Variants in KIF12 observed in about 807,000 individuals in gnomAD.
The protein encoded by KIF12 is kinesin family member 12.
Under a neutral mutation model 87.9 loss-of-function variants are expected in KIF12, and 80 were observed. The ratio of observed to expected loss-of-function variants is 0.91; its 90% confidence interval spans 0.76 to 1.10. The LOEUF (loss-of-function observed/expected upper bound fraction) is 1.10. Among genes scored for constraint, KIF12 ranks in the 50% least tolerant of loss-of-function variants. The pLI is 0.00. For synonymous variants in KIF12, 353 were observed against 348.5 expected (o/e 1.01, Z -0.14); for missense variants, 819 against 865.3 (o/e 0.95, Z 0.67).
chr9:114,097,298 C>T lies in KIF12; in HGVS notation c.646+3G>A. On this transcript the variant is annotated splice_donor_region_variant and intron_variant, in intron 7 of 18. Transcript: ENST00000640217. ...CGCAAAACTCCCCGCTGTCAGCACA[C>T]ACCCGTTTGCAAAAGTTCCATCAGG... 6.2e-7 allele frequency: 1 copy of T among 1,609,480 alleles called. No individual in the cohort carries two copies. Among genetic ancestry groups the T allele is most frequent in the Non-Finnish European group, 8.5e-7 (1 of 1,178,912 alleles).
intron 3 of KIF12, 112 bp downstream of exon 3, chr9:114,098,823 T>A (rs986235729): frequency 8.1e-6 from 10 of 1,236,252 alleles, no homozygotes; most frequent in Non-Finnish European, 1.0e-5. Flanking sequence ...GCGGGGCACC[T>A]GGGAGAGGAC....
chr9:114,098,259 C>A, intron 4 of KIF12, 43 bp downstream of exon 4: 1 of 1,507,874 alleles, frequency 6.6e-7, no homozygotes. Context: ...TGCTTCGGGG[C>A]CCCGCCAGGC....
In KIF12 at chr9:114,093,282, G is replaced by A. The variant is rs1354076805; in HGVS notation, c.1543C>T (p.Arg515Ter). ...CPCCHICPLC[R>*]VPLAHWACLP... ...CAGGCCCAGTGGGCCAGGGGCACTCGACACAGTGGGCAGATGTGGCAGCAG... is the reference window on the plus strand; with the variant it reads ...CAGGCCCAGTGGGCCAGGGGCACTCAACACAGTGGGCAGATGTGGCAGCAG... The change falls in exon 16 of 19, where the codon CGA becomes TGA. Residue 515 changes from arginine to a stop codon, truncating the protein, a stop_gained. Transcript: ENST00000640217. LOFTEE classifies it high-confidence loss of function. 13 of 1,560,678 alleles carry A rather than the reference G, an allele frequency of 8.3e-6. No individual in the cohort carries two copies. The East Asian group carries it at 1.2e-4, about 14-fold the overall frequency.
Position 114,098,388 on chromosome 9 carries a change from G to A in KIF12, c.213C>T (p.Phe71=), listed in dbSNP as rs1847328716. Residue 71 remains phenylalanine, a synonymous_variant, in exon 4 of 19, where the codon TTC becomes TTT. Transcript: ENST00000640217. ...PGGGPEVAFR[F]GAVLDAARTQ... is the part of the protein sequence containing the mutation. ...TGCGCGCCGCGTCTAGCACCGCACC[G>A]AAGCGGAACGCCACTTCTGGACCCC... is the stretch of plus-strand genomic sequence containing the variant. 6.6e-7 allele frequency: 1 copy of A among 1,513,960 alleles called. No individual in the cohort carries two copies. The highest frequency in any genetic ancestry group is 8.8e-7 in the Non-Finnish European group (1 of 1,137,268). 93.8% of individuals were successfully genotyped at this position (1,513,960 alleles called of 1,614,324 possible). A position where few individuals can be genotyped will look rare whatever the true frequency, so the allele number is the denominator to read the frequency against.
chr9:114,093,966 T>C lies in KIF12; in HGVS notation c.1320A>G (p.Glu440=), dbSNP rs758007644. ...CTCGGCTATTCTGCAGCTGGCTCTT[T>C]TCTTTCCTAGGGGAGATCACAAGCC... ...FMLENERLRK[E]KSQLQNSRDL... The change falls in exon 14 of 19, where the codon GAA becomes GAG. Residue 440 remains glutamate (E), a synonymous_variant. Transcript: ENST00000640217. 18 of 1,613,954 alleles carry C rather than the reference T, an allele frequency of 1.1e-5. No homozygotes were observed. Among genetic ancestry groups the C allele is most frequent in the Non-Finnish European group, 1.5e-5 (18 of 1,180,006 alleles).
At position 114,098,959 on chromosome 9, in the gene KIF12, G is replaced by A; in HGVS notation, c.147C>T (p.His49=). 1 of 1,550,144 alleles carries A rather than the reference G, an allele frequency of 6.5e-7. No individual in the cohort carries two copies. Among genetic ancestry groups the A allele is most frequent in the South Asian group, 1.2e-5 (1 of 84,052 alleles). Residue 49 remains histidine, a synonymous_variant, in exon 3 of 19, where the codon CAC becomes CAT. Transcript: ENST00000640217. The part of the protein sequence containing the change: ...ELRRGQQSVL[H]CSGTRTLQVS... ...CCTGCAGAGTCCGGGTCCCTGAGCA[G>A]TGCAGCACGCTCTGCTGCCCTCGAC...
chr9:114,097,156 G>C (rs940245566), intron 7 of KIF12, 145 bp downstream of exon 7: 11 of 1,107,714 alleles, frequency 9.9e-6, no homozygotes, highest in Non-Finnish European at 1.4e-5. Context: ...CCATGCCTTT[G>C]AATTGTGGTT....
intron 3 of KIF12, 96 bp downstream of exon 3, chr9:114,098,839 C>T: frequency 7.1e-7 from 1 of 1,399,980 alleles, no homozygotes. Flanking sequence ...AGGACCACTC[C>T]GGGGGAGCGC....
Position 114,091,914 on chromosome 9 carries a change from G to A in KIF12, c.1903C>T (p.Pro635Ser), listed in dbSNP as rs1460057771. 6.2e-7 allele frequency: 1 copy of A among 1,612,644 alleles called. No homozygotes were observed. The highest frequency in any genetic ancestry group is 8.5e-7 in the Non-Finnish European group (1 of 1,179,592). ...CTCCGTGCGCCCTCACTGCAGGGTG[G>A]CTGGCTGCGGCCACGTCGCAGGGAG... is the stretch of plus-strand genomic sequence containing the variant. ...GSSLRRGRSQ[P>S]PCSEGARSPG... is the part of the protein sequence containing the mutation. The change falls in exon 19 of 19, where the codon CCA becomes TCA. Residue 635 changes from proline (P) to serine (S), a missense_variant. Transcript: ENST00000640217.
intron 7 of KIF12, among the ~76,000 whole-genome samples, chr9:114,096,940 G>A (rs1369977407): frequency 3.9e-5 from 6 of 152,254 alleles, no homozygotes; most frequent in Non-Finnish European, 8.8e-5. Flanking sequence ...CTGGAAGGGT[G>A]GAGGGTCTGG....
At chr9:114,097,253 G>A in intron 7 of KIF12, 48 bp downstream of exon 7, 1 of 1,589,244 alleles carries the variant, frequency 6.3e-7, no homozygotes, top group Non-Finnish European at 8.5e-7. Context: ...GTGAACAACT[G>A]AGGAATGGGC....
At position 114,092,093 on chromosome 9, in the gene KIF12, G is replaced by C. The variant is rs112836320; in HGVS notation, c.1817-93C>G. ...CCAACACCCTCTGGAGAAGCCTCAG[G>C]GGGTAGGTACCCTCCACCCTTCCCC... is the stretch of plus-strand genomic sequence containing the variant. On this transcript the variant is annotated intron_variant, in intron 18 of 18. Transcript: ENST00000640217. 1.5e-3 allele frequency: 2,175 copies of C among 1,485,908 alleles called. 31 individuals are homozygous for C. The African/African-American group carries it at 0.028, about 19-fold the overall frequency. The allele number at this position is 1,485,908 out of a possible 1,614,324, so 92.0% of individuals were successfully genotyped here.
At chr9:114,097,006 C>G (rs1329994325) in intron 7 of KIF12, among the ~76,000 whole-genome samples, 6 of 152,134 alleles carry the variant, frequency 3.9e-5, no homozygotes, top group African/African-American at 1.4e-4. Context: ...CAGGGGAGAG[C>G]CTTGAGGTGC....
intron 11 of KIF12, 74 bp downstream of exon 11, chr9:114,094,949 C>T (rs1400394274): frequency 1.2e-5 from 16 of 1,307,674 alleles, no homozygotes; most frequent in Non-Finnish European, 1.6e-5. Context: ...AATCAAGGGA[C>T]TCAGGCTCCA....
rs1688121823 is a variant in KIF12 at position 114,094,456 on chromosome 9, C to T, written c.1120-1G>A. 6.2e-7 allele frequency: 1 copy of T among 1,603,538 alleles called. No individual in the cohort carries two copies. The highest frequency in any genetic ancestry group is 8.5e-7 in the Non-Finnish European group (1 of 1,171,782). On this transcript the variant is annotated splice_acceptor_variant, in intron 11 of 18. Coordinates refer to ENST00000640217, the MANE Select transcript of KIF12 (RefSeq NM_001388308.1). LOFTEE classifies it high-confidence loss of function. ...GCTGGGGCTGCTTTGCCACAGGAGA[C>T]TGTAGGGAAAGAGGCCCAGAGCCAC...
rs867930049 is a variant in KIF12 at position 114,097,611 on chromosome 9, T to C, written c.506A>G (p.Glu169Gly). 1.2e-6 allele frequency: 2 copies of C among 1,614,066 alleles called. No homozygotes were observed. The highest frequency in any genetic ancestry group is 1.3e-5 in the African/African-American group (1 of 75,030). Residue 169 changes from glutamate to glycine, a missense_variant, in exon 6 of 19, where the codon GAG (glutamate) becomes GGG (glycine). Coordinates refer to ENST00000640217, the MANE Select transcript of KIF12 (RefSeq NM_001388308.1). The stretch of plus-strand genomic sequence containing the variant: ...CTATTCCTCTCATTCCCTTACCTGC[T>C]CATTGTAGATCTCCAGATAAGAGGC... ...LRASYLEIYN[E>G]QVRDLLSLGS... is the part of the protein sequence containing the mutation.
chr9:114,094,361 T>C lies in KIF12; in HGVS notation c.1214A>G (p.Asp405Gly). 1.2e-6 allele frequency: 2 copies of C among 1,613,444 alleles called. No individual in the cohort carries two copies. Among genetic ancestry groups the C allele is most frequent in the South Asian group, 2.2e-5 (2 of 91,054 alleles). Reference sequence around the variant, plus strand: ...CTCCAGGAAGCCCATACCCTTGCAGTCCATTTGGTCCAGCTGGAACTGCAG... The same window carrying C: ...CTCCAGGAAGCCCATACCCTTGCAGCCCATTTGGTCCAGCTGGAACTGCAG... Reference protein sequence around the residue: ...RRLQFQLDQMDCKASGLSGAR... With the variant: ...RRLQFQLDQMGCKASGLSGAR... The change falls in exon 12 of 19, where the codon GAC becomes GGC. Residue 405 changes from aspartate (D) to glycine (G), a missense_variant. Asp to Gly is a moderately conservative substitution (Grantham distance 94, BLOSUM62 -1). Transcript: ENST00000640217.
Position 114,095,256 on chromosome 9 carries a change from C to G in KIF12, c.972G>C (p.Lys324Asn). The change falls in exon 10 of 19, where the codon AAG becomes AAC. Residue 324 changes from lysine to asparagine, a missense_variant. Lys to Asn is a moderately conservative substitution (Grantham distance 94). Coordinates refer to ENST00000640217, the MANE Select transcript of KIF12 (RefSeq NM_001388308.1). Reference sequence around the variant, plus strand: ...GCCCTCCCAGTGAGTCTGCCAGCAACTTGGTGAGCTTGCTGTCCCGGAAAG... The same window carrying G: ...GCCCTCCCAGTGAGTCTGCCAGCAAGTTGGTGAGCTTGCTGTCCCGGAAAG... The part of the protein sequence containing the change: ...HIPFRDSKLT[K>N]LLADSLGGRG... 1.2e-6 allele frequency: 2 copies of G among 1,613,962 alleles called. No homozygotes were observed. The highest frequency in any genetic ancestry group is 1.7e-6 in the Non-Finnish European group (2 of 1,180,028).
In KIF12 at chr9:114,093,979, G is replaced by T; in HGVS notation, c.1314-7C>A. ...CAGCTGGCTCTTTTCTTTCCTAGGG[G>T]AGATCACAAGCCAGGAAGGGGTAGG... On this transcript the variant is annotated splice_polypyrimidine_tract_variant and splice_region_variant and intron_variant, in intron 13 of 18. Coordinates refer to ENST00000640217, the MANE Select transcript of KIF12 (RefSeq NM_001388308.1). 1 of 1,613,308 alleles carries T rather than the reference G, an allele frequency of 6.2e-7. No individual in the cohort carries two copies. The highest frequency in any genetic ancestry group is 8.5e-7 in the Non-Finnish European group (1 of 1,179,472).
Sources: allele counts gnomAD v4.1 joint callset (sites outside exome capture counted in the v4.1 genomes callset), GRCh38; gene constraint gnomAD v4.1.1; transcripts MANE v1.5; gene names NCBI Gene and HGNC (gene_info 2026-07-23, HGNC 2026-07-21).